The following WNT2B variants were observed in gnomAD, a reference collection of about 807,000 sequenced individuals.
The protein encoded by WNT2B is Wnt family member 2B, also known as protein Wnt-2b.
WNT2B carries 19 observed loss-of-function variants against 40.5 expected under a neutral mutation model. That is an observed-to-expected ratio of 0.47 (90% CI 0.33 to 0.69). WNT2B has a LOEUF of 0.69. WNT2B is among the 30% of genes least tolerant of loss of function. The pLI is 0.02. For missense variants in WNT2B, 467 were observed against 556.4 expected (o/e 0.84, Z 1.62); for synonymous variants, 220 against 211.9 (o/e 1.04, Z -0.33).
In WNT2B at chr1:112,525,876, GC is replaced by G; in HGVS notation, c.*5368del. 1 of 1,227,194 alleles carries G rather than the reference GC, an allele frequency of 8.1e-7. No homozygotes were observed. Among genetic ancestry groups the G allele is most frequent in the South Asian group, 1.9e-5 (1 of 54,002 alleles). The allele number at this position is 1,227,194 out of a possible 1,614,324, so 76.0% of individuals were successfully genotyped here. A position where few individuals can be genotyped will look rare whatever the true frequency, so the allele number is the denominator to read the frequency against. On this transcript the variant is annotated 3_prime_UTR_variant, in exon 5 of 5. Coordinates refer to ENST00000369684, the MANE Select transcript of WNT2B (RefSeq NM_024494.3). ...CTAGGAATAACAATATTCATAAGAA[GC>G]TTTTTCATATGCAAAATGCTTTAGC...
At chr1:112,471,894 A>G (rs1269591676) in intron 1 of WNT2B, among the ~76,000 whole-genome samples, 1 of 152,232 alleles carries the variant, frequency 6.6e-6, no homozygotes, top group East Asian at 1.9e-4. Flanking sequence ...TCTCTTGCCA[A>G]GGAAACTGGT....
intron 1 of WNT2B, among the ~76,000 whole-genome samples, chr1:112,502,346 C>T (rs935173244): frequency 1.3e-5 from 2 of 152,248 alleles, no homozygotes; most frequent in African/African-American, 4.8e-5. Flanking sequence ...CCGCTCTCCC[C>T]TCTCTGGCCC....
At chr1:112,490,547 A>T (rs377293604) in intron 1 of WNT2B, among the ~76,000 whole-genome samples, 2,991 of 150,434 alleles carry the variant, frequency 0.02, 111 homozygotes, top group African/African-American at 0.068. Context: ...TGGAGTGCAG[A>T]GGCAGGATCT....
rs1475643635 is a variant in WNT2B at position 112,521,593 on chromosome 1, GC to G, written c.*1086del. On this transcript the variant is annotated 3_prime_UTR_variant, in exon 5 of 5. Coordinates refer to ENST00000369684, the MANE Select transcript of WNT2B (RefSeq NM_024494.3). Reference sequence around the variant, plus strand: ...GTGGGAAGGAGTACTGCAGGTTGGGGCCAAAGTGATACACAGCTTAGAAGGC... The same window carrying G: ...GTGGGAAGGAGTACTGCAGGTTGGGGCAAAGTGATACACAGCTTAGAAGGC... 6.6e-6 allele frequency: 1 copy of G among 152,278 alleles called. No homozygotes were observed. The allele number at this position is 152,278 out of a possible 1,614,324, so 9.4% of individuals were successfully genotyped here. A position where few individuals can be genotyped will look rare whatever the true frequency, so the allele number is the denominator to read the frequency against.
chr1:112,504,309 A>G (rs1652046572), upstream of WNT2B, among the ~76,000 whole-genome samples: 2 of 146,308 alleles, frequency 1.4e-5, no homozygotes, highest in African/African-American at 5.1e-5. Flanking sequence ...CTTCTCCTTT[A>G]CATCCCTCTC....
At chr1:112,478,497 G>A (rs955135524) in intron 1 of WNT2B, among the ~76,000 whole-genome samples, 2 of 152,038 alleles carry the variant, frequency 1.3e-5, no homozygotes, top group African/African-American at 2.4e-5. Flanking sequence ...AGGGAGACTC[G>A]ATGGGACTAT....
chr1:112,525,887 T>C lies in WNT2B; in HGVS notation c.*5378T>C, dbSNP rs931833734. ...AATATTCATAAGAAGCTTTTTCATA[T>C]GCAAAATGCTTTAGCATATATGTAA... On this transcript the variant is annotated 3_prime_UTR_variant, in exon 5 of 5. Coordinates refer to ENST00000369684, the MANE Select transcript of WNT2B (RefSeq NM_024494.3). 1 of 1,325,754 alleles carries C rather than the reference T, an allele frequency of 7.5e-7. No individual in the cohort carries two copies. The highest frequency in any genetic ancestry group is 2.5e-5 in the East Asian group (1 of 39,496). The allele number at this position is 1,325,754 out of a possible 1,614,324, so 82.1% of individuals were successfully genotyped here. A position where few individuals can be genotyped will look rare whatever the true frequency, so the allele number is the denominator to read the frequency against.
intron 1 of WNT2B, among the ~76,000 whole-genome samples, chr1:112,477,474 TA>T (rs11317511): frequency 0.88 from 133,403 of 152,140 alleles, 58,626 homozygotes; most frequent in East Asian, 1. Context: ...TAAAGAAACA[TA>T]AAAAAATCAA....
intron 1 of WNT2B, among the ~76,000 whole-genome samples, chr1:112,477,930 G>A (rs763847256): frequency 3.9e-5 from 6 of 152,198 alleles, no homozygotes; most frequent in Middle Eastern, 3.2e-3. Flanking sequence ...TATGTATTTG[G>A]GAGTTCCAAA....
upstream of WNT2B, among the ~76,000 whole-genome samples, chr1:112,506,541 T>A (rs114261661): frequency 6.6e-6 from 1 of 152,096 alleles, no homozygotes; most frequent in Non-Finnish European, 1.5e-5. Context: ...CACCCAGGTC[T>A]AAACACACAG....
rs116510446 is a variant in WNT2B at position 112,498,570 on chromosome 1, T to C, written c.-94-16304T>C. Among the ~76,000 whole-genome samples the C allele has an allele frequency of 2.5e-3, 384 of 152,026 alleles. 1 individual carries two copies. Among genetic ancestry groups the C allele is most frequent in the African/African-American group, 8.8e-3 (363 of 41,456 alleles). Reference sequence around the variant, plus strand: ...TTTTTTTTTTTAATGGCTGCACTAGTTCACCACTCTTAAATTTTGCCTTCC... The same window carrying C: ...TTTTTTTTTTTAATGGCTGCACTAGCTCACCACTCTTAAATTTTGCCTTCC... On this transcript the variant is annotated intron_variant, in intron 1 of 4. Coordinates refer to the WNT2B transcript ENST00000256640.
chr1:112,506,950 T>G (rs1652124508), upstream of WNT2B, among the ~76,000 whole-genome samples: 1 of 152,178 alleles, frequency 6.6e-6, no homozygotes, highest in Non-Finnish European at 1.5e-5. Context: ...CATTCATGAC[T>G]TGGAGCACCT....
chr1:112,526,207 C>T lies in WNT2B; in HGVS notation c.*5698C>T, dbSNP rs1301782351. 3 of 1,542,558 alleles carry T rather than the reference C, an allele frequency of 1.9e-6. No individual in the cohort carries two copies. The highest frequency in any genetic ancestry group is 1.8e-5 in the Admixed American group (1 of 55,148). ...TGAGCACAGTTTACAAAGGAACAGC[C>T]TAGGCCCTCCTGAACCTTATCAACC... On this transcript the variant is annotated 3_prime_UTR_variant, in exon 5 of 5. Transcript: ENST00000369684.
intron 4 of WNT2B, among the ~76,000 whole-genome samples, chr1:112,519,025 G>A (rs1468112934): frequency 6.6e-6 from 1 of 152,174 alleles, no homozygotes; most frequent in African/African-American, 2.4e-5. Context: ...TATGTGACTA[G>A]TGGCTGCTAC....
In WNT2B at chr1:112,509,207, A is replaced by C; in HGVS notation, c.-56A>C. On this transcript the variant is annotated 5_prime_UTR_variant, in exon 1 of 5. Transcript: ENST00000369684. This position sits in a 1 kb window ranked among gnomAD's most constrained non-coding sequence, Gnocchi z 4.2. Reference sequence around the variant, plus strand: ...AGGTAGGAGCAGCCTGAGTACCCCCAGAAGGTGCCCCGTCCACGCCCCTCC... The same window carrying C: ...AGGTAGGAGCAGCCTGAGTACCCCCCGAAGGTGCCCCGTCCACGCCCCTCC... The C allele has an allele frequency of 2.1e-6, 3 of 1,448,720 alleles. No individual in the cohort carries two copies. The South Asian group carries it at 4.3e-5, about 21-fold the overall frequency. 89.7% of individuals were successfully genotyped at this position (1,448,720 alleles called of 1,614,324 possible). A position where few individuals can be genotyped will look rare whatever the true frequency, so the allele number is the denominator to read the frequency against.
chr1:112,512,123 C>A (rs953946593), intron 1 of WNT2B, among the ~76,000 whole-genome samples: 1 of 151,208 alleles, frequency 6.6e-6, no homozygotes, highest in Non-Finnish European at 1.5e-5. Flanking sequence ...CTTTAACATA[C>A]AAACATAAAA....
At chr1:112,510,415 C>T (rs1464403299) in intron 1 of WNT2B, among the ~76,000 whole-genome samples, 2 of 152,138 alleles carry the variant, frequency 1.3e-5, no homozygotes, top group Admixed American at 6.5e-5. Flanking sequence ...TCAAACTGGC[C>T]TCTTGGACTA....
In WNT2B at chr1:112,525,767, C is replaced by A. The variant is rs1653284487; in HGVS notation, c.*5258C>A. ...GCCCCTGTAAGTAGCCCTGGCCAAA[C>A]AGAAAGGCTAAGCTGAATGAAGAAA... is the stretch of plus-strand genomic sequence containing the variant. On this transcript the variant is annotated 3_prime_UTR_variant, in exon 5 of 5. Coordinates refer to ENST00000369684, the MANE Select transcript of WNT2B (RefSeq NM_024494.3). The A allele has an allele frequency of 2.4e-6, 1 of 425,404 alleles. No homozygotes were observed. The highest frequency in any genetic ancestry group is 4.0e-6 in the Non-Finnish European group (1 of 248,154). 26.4% of individuals were successfully genotyped at this position (425,404 alleles called of 1,614,324 possible).
chr1:112,520,755 G>A lies in WNT2B; in HGVS notation c.*246G>A, dbSNP rs1358207522. The A allele has an allele frequency of 1.8e-6, 1 of 569,700 alleles. No individual in the cohort carries two copies. Among genetic ancestry groups the A allele is most frequent in the Non-Finnish European group, 3.1e-6 (1 of 320,602 alleles). The allele number at this position is 569,700 out of a possible 1,614,324, so 35.3% of individuals were successfully genotyped here. A position where few individuals can be genotyped will look rare whatever the true frequency, so the allele number is the denominator to read the frequency against. ...CCCGCTCTGGAGATTTGAAGGGAGA[G>A]TAGAAGAGATAGGGGGTCTTTAGAG... On this transcript the variant is annotated 3_prime_UTR_variant, in exon 5 of 5. Transcript: ENST00000369684.
Sources: allele counts gnomAD v4.1 joint callset (sites outside exome capture counted in the v4.1 genomes callset), GRCh38; gene constraint gnomAD v4.1.1; non-coding constraint Gnocchi (gnomAD v3.1); transcripts MANE v1.5; gene names NCBI Gene and HGNC (gene_info 2026-07-23, HGNC 2026-07-21).